The following RAD54L2 variants were observed in gnomAD, a reference collection of about 807,000 sequenced individuals.
RAD54L2 encodes the protein helicase ARIP4.
In RAD54L2, 27 loss-of-function variants were observed where a neutral mutation model predicts 138.4. The observed-to-expected ratio is 0.20, with a 90% confidence interval of 0.14 to 0.27. The LOEUF is 0.27. Ranked by LOEUF, RAD54L2 falls within the 10% of genes least tolerant of loss-of-function variation. The probability of loss-of-function intolerance (pLI) is 1.00; values close to 1 mark genes in which losing one functional copy is unlikely to be tolerated. For missense variants in RAD54L2, 1,396 were observed against 1,890.2 expected (o/e 0.74, Z 4.85); for synonymous variants, 644 against 723.2 (o/e 0.89, Z 1.76).
Position 51,594,066 on chromosome 3 carries a change from CTTTTTT to C in RAD54L2, c.139+3524_139+3529del, listed in dbSNP as rs904101025. ...TTAATTGTCTTTCTTTTTTCTTTTT[CTTTTTT>C]TTTTTTTTTTTTTTTTGAGATGGAG... On this transcript the variant is annotated intron_variant, in intron 3 of 22. Transcript: ENST00000684192. Among the ~76,000 whole-genome samples, 17 of 105,130 alleles carry C rather than the reference CTTTTTT, an allele frequency of 1.6e-4. No individual in the cohort carries two copies. In the East Asian group the frequency reaches 1.7e-3, roughly 11 times the overall value. The allele number at this position is 105,130 out of a possible 152,430, so 69.0% of individuals were successfully genotyped here.
In RAD54L2 at chr3:51,557,529, TTTAA is replaced by T. The variant is rs1179075203; in HGVS notation, c.-55+15885_-55+15888del. 2.0e-5 allele frequency among the ~76,000 whole-genome samples: 3 copies of T among 151,948 alleles called. No homozygotes were observed. In the East Asian group the frequency reaches 5.8e-4, roughly 29 times the overall value. On this transcript the variant is annotated intron_variant, in intron 2 of 22. Transcript: ENST00000684192. ...TAGATCTAGACATTGACACTGAGTGTTTAATTAATAAGAACATTCTTATGTTCTT... is the reference window on the plus strand; with the variant it reads ...TAGATCTAGACATTGACACTGAGTGTTTAATAAGAACATTCTTATGTTCTT...
intron 14 of RAD54L2, among the ~76,000 whole-genome samples, chr3:51,641,318 T>A (rs1027083557): frequency 4.3e-5 from 6 of 139,970 alleles, no homozygotes; most frequent in Admixed American, 1.4e-4. Context: ...AGTTACCCCC[T>A]TTTTTTTTTT....
intron 19 of RAD54L2, among the ~76,000 whole-genome samples, chr3:51,649,031 A>G (rs1215233934): frequency 6.6e-6 from 1 of 152,114 alleles, no homozygotes; most frequent in Non-Finnish European, 1.5e-5. Flanking sequence ...GTTCAAACCC[A>G]TTGCAAGGAA....
At chr3:51,572,814 G>GT (rs1263544463) in intron 2 of RAD54L2, among the ~76,000 whole-genome samples, 1 of 151,326 alleles carries the variant, frequency 6.6e-6, no homozygotes, top group East Asian at 2.0e-4. Flanking sequence ...AATTTTTTGT[G>GT]TTTTTAGTAG....
Position 51,565,171 on chromosome 3 carries a change from T to A in RAD54L2, c.-55+23521T>A, listed in dbSNP as rs545449885. Among the ~76,000 whole-genome samples the A allele has an allele frequency of 1.7e-4, 26 of 152,230 alleles. 1 individual carries two copies. Among genetic ancestry groups the A allele is most frequent in the East Asian group, 3.9e-4 (2 of 5,174 alleles). On this transcript the variant is annotated intron_variant, in intron 2 of 22. Transcript: ENST00000684192. ...ATTGTAGCGATTGTAAATAAGATTT[T>A]AAAAAAATTACACTTTCCAGCCTGG...
chr3:51,646,268 T>G lies in RAD54L2; in HGVS notation c.2830-17T>G. On this transcript the variant is annotated splice_polypyrimidine_tract_variant and intron_variant, in intron 18 of 22. Transcript: ENST00000684192. ...AGCCATGTTGGTAACTAAATCAACA[T>G]CCTCCTGTGTCCCCAGGAGCCTTTC... 1 of 1,560,470 alleles carries G rather than the reference T, an allele frequency of 6.4e-7. No individual in the cohort carries two copies. Among genetic ancestry groups the G allele is most frequent in the Non-Finnish European group, 8.7e-7 (1 of 1,151,990 alleles).
chr3:51,587,351 C>T (rs1232610182), intron 2 of RAD54L2, among the ~76,000 whole-genome samples: 1 of 151,700 alleles, frequency 6.6e-6, no homozygotes, highest in Admixed American at 6.6e-5. Context: ...ATCCGCCTGC[C>T]TCGGCCTCCC....
At chr3:51,654,066 G>A (rs1296455759) in intron 19 of RAD54L2, among the ~76,000 whole-genome samples, 1 of 152,078 alleles carries the variant, frequency 6.6e-6, no homozygotes, top group Non-Finnish European at 1.5e-5. Flanking sequence ...TTTTTTGGGG[G>A]TGGGGTACAG....
chr3:51,635,880 A>G (rs1203282569), intron 10 of RAD54L2, 91 bp downstream of exon 10: 14 of 1,298,558 alleles, frequency 1.1e-5, no homozygotes, highest in African/African-American at 1.5e-5. Flanking sequence ...TGTAAAGTGC[A>G]TTATTGATGT....
At chr3:51,559,693 C>A (rs1271134964) in intron 2 of RAD54L2, among the ~76,000 whole-genome samples, 2 of 152,172 alleles carry the variant, frequency 1.3e-5, no homozygotes, top group African/African-American at 2.4e-5. Flanking sequence ...AGCTGCTGTT[C>A]TAGAGATGAG....
chr3:51,595,780 T>C (rs973594064), intron 3 of RAD54L2, among the ~76,000 whole-genome samples: 3 of 152,130 alleles, frequency 2.0e-5, no homozygotes, highest in East Asian at 1.9e-4. Context: ...CTGATATCTG[T>C]CCTTAGCTTT....
intron 1 of RAD54L2, chr3:51,541,381 G>A (rs926119375): frequency 1.6e-4 from 24 of 152,128 alleles, no homozygotes; most frequent in African/African-American, 5.6e-4. Context: ...GATTATTTTT[G>A]CACTATTTTA....
chr3:51,593,302 A>G (rs1056496897), intron 3 of RAD54L2, among the ~76,000 whole-genome samples: 3 of 151,624 alleles, frequency 2.0e-5, no homozygotes, highest in Non-Finnish European at 4.4e-5. Flanking sequence ...AAACCATTTC[A>G]CAAAAGAAAC....
At chr3:51,600,895 A>T (rs575690690) in intron 3 of RAD54L2, among the ~76,000 whole-genome samples, 25 of 152,232 alleles carry the variant, frequency 1.6e-4, no homozygotes, top group South Asian at 4.2e-4. Context: ...TGAACCCAGG[A>T]GGCGGAGGTT....
chr3:51,577,713 T>C (rs1699510469), intron 2 of RAD54L2, among the ~76,000 whole-genome samples: 2 of 152,308 alleles, frequency 1.3e-5, no homozygotes, highest in Non-Finnish European at 2.9e-5. Context: ...TCTTCCTCCA[T>C]CCCTTTATTT....
chr3:51,649,181 A>G (rs1027403512), intron 19 of RAD54L2, among the ~76,000 whole-genome samples: 4 of 152,068 alleles, frequency 2.6e-5, no homozygotes, highest in African/African-American at 4.8e-5. Context: ...AGCCAATTCA[A>G]TCAAGCAGAA....
At chr3:51,579,790 T>A (rs1469374118) in intron 2 of RAD54L2, among the ~76,000 whole-genome samples, 1 of 152,228 alleles carries the variant, frequency 6.6e-6, no homozygotes, top group Middle Eastern at 3.2e-3. Flanking sequence ...AGGTACAGTT[T>A]ACCGGTTGTG....
chr3:51,560,317 T>TA (rs1348225157), intron 2 of RAD54L2, among the ~76,000 whole-genome samples: 1 of 152,116 alleles, frequency 6.6e-6, no homozygotes, highest in Non-Finnish European at 1.5e-5. Context: ...AGCAATACTT[T>TA]ACTAGCATAA....
chr3:51,630,992 C>T (rs1296303369), intron 7 of RAD54L2, 61 bp downstream of exon 7: 6 of 1,487,998 alleles, frequency 4.0e-6, no homozygotes, highest in Non-Finnish European at 5.6e-6. Flanking sequence ...TGAACATTGC[C>T]TGCTGGTGGT....
Sources: allele counts gnomAD v4.1 joint callset (sites outside exome capture counted in the v4.1 genomes callset), GRCh38; gene constraint gnomAD v4.1.1; transcripts MANE v1.5; gene names NCBI Gene and HGNC (gene_info 2026-07-23, HGNC 2026-07-21).